The following LOXHD1 variants were observed in gnomAD, a reference collection of about 807,000 sequenced individuals.
The protein encoded by LOXHD1 is lipoxygenase homology PLAT domains 1.
Under a neutral mutation model 248.2 loss-of-function variants are expected in LOXHD1, and 205 were observed. That is an observed-to-expected ratio of 0.83 (90% CI 0.74 to 0.93). The LOEUF (loss-of-function observed/expected upper bound fraction) is 0.93, where lower values mean the gene tolerates loss of function less well. Among genes scored for constraint, LOXHD1 ranks in the 40% least tolerant of loss-of-function variants. LOXHD1 has a pLI of 0.00. For synonymous variants in LOXHD1, 1,113 were observed against 1,162.8 expected, an observed-to-expected ratio of 0.96 and a Z score of 0.87; for missense variants, 2,930 against 2,971.6, an observed-to-expected ratio of 0.99 and a Z score of 0.33.
At chr18:46,591,060 C>G (rs1420735840) in intron 12 of LOXHD1, among the ~76,000 whole-genome samples, 1 of 152,118 alleles carries the variant, frequency 6.6e-6, no homozygotes. Flanking sequence ...AGAACTTCTA[C>G]TGGGTGTGCA....
chr18:46,528,466 A>T (rs1027696915), intron 29 of LOXHD1, among the ~76,000 whole-genome samples: 1 of 152,188 alleles, frequency 6.6e-6, no homozygotes. Flanking sequence ...AGTCTGTCAG[A>T]GCTGGAAGAG....
chr18:46,529,470 C>G (rs2144223521), intron 28 of LOXHD1, 139 bp from the exon 29 acceptor site: 4 of 932,374 alleles, frequency 4.3e-6, no homozygotes, highest in Non-Finnish European at 6.2e-6. Flanking sequence ...CTTTTGTTTG[C>G]TCAATTATGC....
At chr18:46,480,964 C>T (rs1243372259) in intron 40 of LOXHD1, among the ~76,000 whole-genome samples, 1 of 152,082 alleles carries the variant, frequency 6.6e-6, no homozygotes, top group Non-Finnish European at 1.5e-5. Context: ...CACCCAAATC[C>T]TGAGGCTATT....
At chr18:46,643,197 C>A (rs1329999249) in intron 2 of LOXHD1, among the ~76,000 whole-genome samples, 1 of 152,062 alleles carries the variant, frequency 6.6e-6, no homozygotes, top group Non-Finnish European at 1.5e-5. Flanking sequence ...ATGGAGGCAG[C>A]CTTGTCAGGG....
chr18:46,522,360 A>C, intron 31 of LOXHD1, 51 bp from the exon 32 acceptor site: 1 of 1,449,750 alleles, frequency 6.9e-7, no homozygotes, highest in South Asian at 1.2e-5. Flanking sequence ...TAGACAAGGC[A>C]CTGCCTCATA....
intron 12 of LOXHD1, among the ~76,000 whole-genome samples, chr18:46,580,007 G>A (rs1201644900): frequency 3.3e-5 from 5 of 152,198 alleles, no homozygotes; most frequent in Non-Finnish European, 7.3e-5. Context: ...TAGGTATATG[G>A]ATTCCATTTA....
intron 2 of LOXHD1, among the ~76,000 whole-genome samples, chr18:46,647,116 C>G (rs2039041011): frequency 6.6e-6 from 1 of 152,196 alleles, no homozygotes; most frequent in South Asian, 2.1e-4. Context: ...GTCTCTGGGG[C>G]CAACCCCTGG....
chr18:46,549,807 A>AC (rs1183380702), intron 21 of LOXHD1, among the ~76,000 whole-genome samples: 17 of 152,148 alleles, frequency 1.1e-4, no homozygotes, highest in Admixed American at 6.5e-5. Context: ...ATCTTATAGG[A>AC]CCCCCCAGGC....
At chr18:46,634,479 A>T (rs1671228904) in intron 4 of LOXHD1, among the ~76,000 whole-genome samples, 1 of 152,240 alleles carries the variant, frequency 6.6e-6, no homozygotes, top group Non-Finnish European at 1.5e-5. Flanking sequence ...GTGACAGGTC[A>T]CAGATGAAAT....
At chr18:46,590,928 T>A (rs557498053) in intron 12 of LOXHD1, among the ~76,000 whole-genome samples, 7 of 152,364 alleles carry the variant, frequency 4.6e-5, no homozygotes, top group Non-Finnish European at 8.8e-5. Flanking sequence ...AGAAACATGA[T>A]GCTAATTACA....
intron 7 of LOXHD1, among the ~76,000 whole-genome samples, chr18:46,603,670 C>T (rs1307446351): frequency 2.0e-5 from 3 of 152,168 alleles, no homozygotes; most frequent in Non-Finnish European, 1.5e-5. Flanking sequence ...TCAGTTTCCT[C>T]ATCTGTGTGA....
In LOXHD1 at chr18:46,560,440, C is replaced by G. The variant is rs756960512; in HGVS notation, c.2704G>C (p.Val902Leu). 29 of 1,544,902 alleles carry G rather than the reference C, an allele frequency of 1.9e-5. No individual in the cohort carries two copies. Among genetic ancestry groups the G allele is most frequent in the Middle Eastern group, 1.7e-4 (1 of 6,014 alleles). The change falls in exon 19 of 41, where the codon GTG becomes CTG. Residue 902 changes from valine to leucine, a missense_variant. Val to Leu is a conservative substitution (Grantham distance 32). Transcript: ENST00000642948. ...FVDTVWLRHL[V>L]VREVDLTPEE... The stretch of plus-strand genomic sequence containing the variant: ...GGCGTGAGGTCCACCTCCCGCACCA[C>G]CAGGTGCCGCAGCCACACGGTGTCC...
chr18:46,582,080 C>T (rs537261981), intron 12 of LOXHD1, among the ~76,000 whole-genome samples: 26 of 152,162 alleles, frequency 1.7e-4, no homozygotes, highest in African/African-American at 6.3e-4. Flanking sequence ...CTTGAAATCA[C>T]CTGATAGATA....
chr18:46,558,295 C>T (rs918466413), intron 20 of LOXHD1, among the ~76,000 whole-genome samples: 1 of 152,164 alleles, frequency 6.6e-6, no homozygotes, highest in Non-Finnish European at 1.5e-5. Context: ...GATTCTTCAT[C>T]CCTAAATTCT....
intron 21 of LOXHD1, among the ~76,000 whole-genome samples, chr18:46,551,982 T>C (rs1045773763): frequency 1.3e-5 from 2 of 152,194 alleles, no homozygotes; most frequent in Non-Finnish European, 2.9e-5. Context: ...ATTCCATTTC[T>C]ATGAGGTCCC....
At chr18:46,490,996 G>A (rs1305613009) in intron 37 of LOXHD1, among the ~76,000 whole-genome samples, 1 of 152,194 alleles carries the variant, frequency 6.6e-6, no homozygotes, top group African/African-American at 2.4e-5. Context: ...ATGAGGCAGA[G>A]GAGACCTGCT....
At chr18:46,544,865 T>A (rs1256586220) in intron 23 of LOXHD1, 1 of 472,110 alleles carries the variant, frequency 2.1e-6, no homozygotes, top group East Asian at 6.9e-5. Context: ...AGCAAATATA[T>A]GATGACTACT....
intron 13 of LOXHD1, among the ~76,000 whole-genome samples, chr18:46,578,173 TCTC>T (rs768502256): frequency 2.6e-5 from 4 of 152,156 alleles, no homozygotes; most frequent in Non-Finnish European, 5.9e-5. Flanking sequence ...CCTTGGCAAA[TCTC>T]CTCTGGCTCC....
rs113591161 is a variant in LOXHD1 at position 46,541,793 on chromosome 18, G to T, written c.3896C>A (p.Thr1299Lys). ...GTTCCTACATGGTGTGTACAGCCTC[G>T]TCTGAAGCTCTGCATGGAAGAGGTC... Reference protein sequence around the residue: ...IRDLFHAELQTRLYTPFVPYE... With the variant: ...IRDLFHAELQKRLYTPFVPYE... Residue 1299 changes from threonine (T) to lysine (K), a missense_variant, in exon 25 of 41, where the codon ACG (threonine) becomes AAG (lysine). Thr to Lys is a moderately conservative substitution (Grantham distance 78, BLOSUM62 -1). Coordinates refer to ENST00000642948, the MANE Select transcript of LOXHD1 (RefSeq NM_001384474.1). 1.3e-6 allele frequency: 2 copies of T among 1,551,686 alleles called. No homozygotes were observed. Among genetic ancestry groups the T allele is most frequent in the Non-Finnish European group, 1.7e-6 (2 of 1,146,994 alleles).
Sources: allele counts gnomAD v4.1 joint callset (sites outside exome capture counted in the v4.1 genomes callset), GRCh38; gene constraint gnomAD v4.1.1; transcripts MANE v1.5; gene names NCBI Gene and HGNC (gene_info 2026-07-23, HGNC 2026-07-21).